The following RPH3A variants were observed in gnomAD, a reference collection of about 807,000 sequenced individuals.
RPH3A encodes rabphilin 3A, also known as rabphilin-3A.
Under a neutral mutation model 102.2 loss-of-function variants are expected in RPH3A, and 48 were observed. The observed-to-expected ratio is 0.47, with a 90% CI of 0.37 to 0.60. The LOEUF (loss-of-function observed/expected upper bound fraction) is 0.60, where lower values mean the gene tolerates loss of function less well. Among genes scored for constraint, RPH3A ranks in the 20% least tolerant of loss-of-function variants. The pLI is 0.00. For synonymous variants in RPH3A, 310 were observed against 324.3 expected, an observed-to-expected ratio of 0.96 and a Z score of 0.47; for missense variants, 781 against 910.1, an observed-to-expected ratio of 0.86 and a Z score of 1.83.
intron 2 of RPH3A, among the ~76,000 whole-genome samples, chr12:112,823,483 C>T (rs1001648630): frequency 1.3e-5 from 2 of 152,170 alleles, no homozygotes; most frequent in African/African-American, 2.4e-5. Context: ...TGTAAGTCAT[C>T]ATCCTATACC....
At chr12:112,783,684 T>G (rs2041024611) in intron 1 of RPH3A, among the ~76,000 whole-genome samples, 1 of 152,222 alleles carries the variant, frequency 6.6e-6, no homozygotes, top group African/African-American at 2.4e-5. Context: ...CATATTATTA[T>G]TAGTATCCTC....
At chr12:112,755,613 A>C (rs1440773829) in intron 1 of RPH3A, among the ~76,000 whole-genome samples, 1 of 152,170 alleles carries the variant, frequency 6.6e-6, no homozygotes, top group East Asian at 1.9e-4. Flanking sequence ...TGAGAAGAGC[A>C]TGCCCTGGTT....
chr12:112,719,315 C>A (rs1281752205), intron 1 of RPH3A, among the ~76,000 whole-genome samples: 1 of 152,070 alleles, frequency 6.6e-6, no homozygotes, highest in African/African-American at 2.4e-5. Context: ...AATAAAGGAC[C>A]CATTATCAAA....
intron 1 of RPH3A, among the ~76,000 whole-genome samples, chr12:112,604,951 C>A (rs889082765): frequency 6.6e-6 from 1 of 152,202 alleles, no homozygotes; most frequent in Admixed American, 6.5e-5. Context: ...GACCTAGCGT[C>A]TGAAGTTGTG....
intron 1 of RPH3A, among the ~76,000 whole-genome samples, chr12:112,612,343 T>C (rs1848570406): frequency 6.6e-6 from 1 of 152,140 alleles, no homozygotes; most frequent in Non-Finnish European, 1.5e-5. Context: ...TTACTCTGCT[T>C]CTGAGAACAC....
chr12:112,754,951 G>A (rs1183425898), intron 1 of RPH3A, among the ~76,000 whole-genome samples: 1 of 152,146 alleles, frequency 6.6e-6, no homozygotes, highest in East Asian at 1.9e-4. Flanking sequence ...AGCTTCCCAG[G>A]TGGTTCTGGT....
At position 112,708,202 on chromosome 12, in the gene RPH3A, G is replaced by A. The variant is rs2189275; in HGVS notation, c.-139-83941G>A. 6.6e-4 allele frequency among the ~76,000 whole-genome samples: 100 copies of A among 152,316 alleles called. 2 individuals are homozygous for A. The East Asian group carries it at 0.018, about 28-fold the overall frequency. The stretch of plus-strand genomic sequence containing the variant: ...CCTATGTGGTCCATAAGTAGCTACA[G>A]GGAAGTAGGTCAAATGGCAACCTGA... On this transcript the variant is annotated intron_variant, in intron 1 of 21. Transcript: ENST00000543106.
At chr12:112,735,820 C>T (rs976863404) in intron 1 of RPH3A, among the ~76,000 whole-genome samples, 2 of 152,188 alleles carry the variant, frequency 1.3e-5, no homozygotes, top group African/African-American at 4.8e-5. Context: ...TTAAGTGGCT[C>T]CTCATTGCTT....
intron 1 of RPH3A, among the ~76,000 whole-genome samples, chr12:112,627,726 A>G (rs73431649): frequency 1.8e-3 from 272 of 152,206 alleles, no homozygotes; most frequent in African/African-American, 6.1e-3. Context: ...TAGACTGTGG[A>G]TGAGGTTTGG....
intron 1 of RPH3A, among the ~76,000 whole-genome samples, chr12:112,709,976 CT>C (rs2040448976): frequency 6.6e-6 from 1 of 151,952 alleles, no homozygotes; most frequent in Admixed American, 6.6e-5. Context: ...GGCTGGTTGC[CT>C]TTTTTCTTTT....
At chr12:112,647,424 A>C (rs994670768) in intron 1 of RPH3A, among the ~76,000 whole-genome samples, 3 of 152,210 alleles carry the variant, frequency 2.0e-5, no homozygotes, top group African/African-American at 7.2e-5. Flanking sequence ...CTTTTATTGA[A>C]TATCTACTGC....
At chr12:112,858,266 C>CAAAAAAAAAAAAAAAAAAAAAAAAAAAA (rs1164602599) in intron 5 of RPH3A, among the ~76,000 whole-genome samples, 3 of 44,768 alleles carry the variant, frequency 6.7e-5, no homozygotes, top group Non-Finnish European at 7.5e-5. Flanking sequence ...GACCCTGTCT[C>CAAAAAAAAAAAAAAAAAAAAAAAAAAAA]AAAAAAAAAA....
At chr12:112,776,873 C>CAAAAAAAAAAAAAAAAAAAAAAAA in intron 1 of RPH3A, among the ~76,000 whole-genome samples, 1 of 73,910 alleles carries the variant, frequency 1.4e-5, no homozygotes, top group Non-Finnish European at 2.5e-5. Flanking sequence ...GACTCCATCT[C>CAAAAAAAAAAAAAAAAAAAAAAAA]AAAAAAAAAA....
intron 1 of RPH3A, among the ~76,000 whole-genome samples, chr12:112,711,018 C>G (rs2040457305): frequency 6.8e-6 from 1 of 148,108 alleles, no homozygotes; most frequent in Non-Finnish European, 1.5e-5. Flanking sequence ...CAGAAGAACT[C>G]CAAGCAGGCA....
chr12:112,651,860 T>C (rs2039977130), intron 1 of RPH3A: 1 of 152,234 alleles, frequency 6.6e-6, no homozygotes, highest in South Asian at 2.1e-4. Context: ...TGTCCTTTTG[T>C]GTGAGGCTTG....
chr12:112,786,300 C>G (rs2041050618), intron 1 of RPH3A, among the ~76,000 whole-genome samples: 1 of 152,212 alleles, frequency 6.6e-6, no homozygotes, highest in South Asian at 2.1e-4. Context: ...CCACGACTGC[C>G]CTTTTCCTTG....
intron 5 of RPH3A, among the ~76,000 whole-genome samples, chr12:112,860,893 C>T (rs1159613889): frequency 1.3e-5 from 2 of 152,136 alleles, no homozygotes; most frequent in Non-Finnish European, 2.9e-5. Context: ...AACTGCCATC[C>T]CCCGCCTCCA....
chr12:112,615,482 C>T (rs1003353290), intron 1 of RPH3A, among the ~76,000 whole-genome samples: 3 of 152,100 alleles, frequency 2.0e-5, no homozygotes, highest in Admixed American at 2.0e-4. Flanking sequence ...TGAGAGGGAG[C>T]AAAGAAGGAA....
At chr12:112,846,046 A>C (rs906822685) in intron 4 of RPH3A, among the ~76,000 whole-genome samples, 4 of 152,194 alleles carry the variant, frequency 2.6e-5, no homozygotes, top group African/African-American at 9.6e-5. Context: ...GCTGGAGCCT[A>C]GTGACCAGGG....
Sources: gnomAD v4.1 joint callset for allele counts (sites outside exome capture counted in the v4.1 genomes callset) on GRCh38, gnomAD v4.1.1 for gene constraint, MANE v1.5 for transcripts, NCBI Gene and HGNC (gene_info 2026-07-23, HGNC 2026-07-21) for gene names.